Variants in TRRAP observed in about 807,000 individuals in gnomAD.
The protein encoded by TRRAP is transformation/transcription domain-associated protein.
TRRAP carries 41 observed loss-of-function variants against 438.8 expected under a neutral mutation model. The ratio of observed to expected loss-of-function variants is 0.09; its 90% CI spans 0.07 to 0.12. The LOEUF (loss-of-function observed/expected upper bound fraction) is 0.12. TRRAP is among the 10% of genes least tolerant of loss of function. The pLI, the probability that TRRAP is intolerant of heterozygous loss-of-function variation, is 1.00. For synonymous variants in TRRAP, 1,994 were observed against 1,962.9 expected (o/e 1.02, Z -0.42); for missense variants, 3,122 against 5,055.1 (o/e 0.62, Z 11.60).
chr7:98,915,977 T>C (rs1789501809), intron 19 of TRRAP, 89 bp downstream of exon 19: 1 of 1,525,722 alleles, frequency 6.6e-7, no homozygotes, highest in Non-Finnish European at 8.9e-7. Flanking sequence ...TCATCCTCTG[T>C]AACTGGTGAG....
chr7:98,892,504 G>T lies in TRRAP; in HGVS notation c.342G>T (p.Leu114Phe). 1.2e-6 allele frequency: 2 copies of T among 1,611,760 alleles called. No individual in the cohort carries two copies. Among genetic ancestry groups the T allele is most frequent in the Non-Finnish European group, 1.7e-6 (2 of 1,179,566 alleles). ...TTCGTCCTCACACAAAAAATGTTTT[G>T]TCTGTGATGTTTCGCTTTTTAGAGG... ...EHLRPHTKNV[L>F]SVMFRFLETE... The change falls in exon 5 of 73, where the codon TTG becomes TTT. Residue 114 changes from leucine (L) to phenylalanine (F), a missense_variant. Leu to Phe is a conservative substitution (Grantham distance 22, BLOSUM62 0). Coordinates refer to ENST00000456197, the MANE Select transcript of TRRAP (RefSeq NM_001375524.1).
chr7:98,971,124 T>G (rs1248827549), intron 52 of TRRAP, among the ~76,000 whole-genome samples: 1 of 152,208 alleles, frequency 6.6e-6, no homozygotes, highest in Non-Finnish European at 1.5e-5. Context: ...ATGTGCAGGA[T>G]GTCTACTCAT....
chr7:98,915,083 AAT>A (rs1460882411), intron 18 of TRRAP, among the ~76,000 whole-genome samples: 4 of 152,184 alleles, frequency 2.6e-5, no homozygotes, highest in Non-Finnish European at 2.9e-5. Context: ...TTTATACAAA[AAT>A]ATTTTCCAAT....
chr7:98,960,852 A>G (rs541183876), intron 45 of TRRAP, among the ~76,000 whole-genome samples: 1 of 152,004 alleles, frequency 6.6e-6, no homozygotes, highest in Non-Finnish European at 1.5e-5. Context: ...CCTGGCCTCA[A>G]GTGATCCATC....
intron 14 of TRRAP, among the ~76,000 whole-genome samples, chr7:98,909,521 C>T (rs1796961532): frequency 6.6e-6 from 1 of 152,212 alleles, no homozygotes; most frequent in Non-Finnish European, 1.5e-5. Flanking sequence ...CGCTTGAAAG[C>T]TCTTAGCACA....
Position 98,937,672 on chromosome 7 carries a change from A to T in TRRAP, c.4256A>T (p.Glu1419Val). The change falls in exon 30 of 73, where the codon GAA (glutamate) becomes GTA (valine). Residue 1419 changes from glutamate (E) to valine (V), a missense_variant. Physicochemically the swap from Glu to Val is moderately radical, Grantham distance 121. This residue lies in a region of TRRAP where 108 missense variants were observed against 256.9 expected (regional missense o/e 0.42). Coordinates refer to ENST00000456197, the MANE Select transcript of TRRAP (RefSeq NM_001375524.1). ...MRKFLEGATIEVDQIHTHMRP... is the reference protein window; with the variant it reads ...MRKFLEGATIVVDQIHTHMRP... The stretch of plus-strand genomic sequence containing the variant: ...TAGTTTTTAGAAGGTGCTACCATAG[A>T]AGTCGATCAAATCCACACACATATG... The T allele has an allele frequency of 1.2e-6, 2 of 1,610,384 alleles. No individual in the cohort carries two copies. Among genetic ancestry groups the T allele is most frequent in the Non-Finnish European group, 1.7e-6 (2 of 1,178,922 alleles).
At chr7:98,920,681 GC>G (rs782131928) in intron 20 of TRRAP, among the ~76,000 whole-genome samples, 22 of 152,072 alleles carry the variant, frequency 1.4e-4, no homozygotes, top group Non-Finnish European at 2.8e-4. Flanking sequence ...TTTTTCCTTT[GC>G]CACCCTTTCT....
At chr7:98,886,473 G>T (rs1042659352) in intron 3 of TRRAP, among the ~76,000 whole-genome samples, 6 of 151,932 alleles carry the variant, frequency 3.9e-5, no homozygotes, top group Non-Finnish European at 7.4e-5. Flanking sequence ...TAGAGAGATA[G>T]AGATAGATAT....
chr7:98,976,579 A>T lies in TRRAP; in HGVS notation c.8056A>T (p.Met2686Leu), dbSNP rs1272121270. 1 of 1,614,180 alleles carries T rather than the reference A, an allele frequency of 6.2e-7. No homozygotes were observed. Among genetic ancestry groups the T allele is most frequent in the Admixed American group, 1.7e-5 (1 of 60,020 alleles). The change falls in exon 55 of 73, where the codon ATG (methionine) becomes TTG (leucine). Residue 2686 changes from methionine (M) to leucine (L), a missense_variant. Transcript: ENST00000456197. The surrounding 1 kb of genome is among the most constrained non-coding windows in gnomAD (Gnocchi z 4.6). ...PSALNCFVEAMSQCVPPIPIR... is the reference protein window; with the variant it reads ...PSALNCFVEALSQCVPPIPIR... ...CGCGCTGAACTGCTTTGTGGAAGCC[A>T]TGTCCCAGTGCGTGCCGCCAATCCC... is the stretch of plus-strand genomic sequence containing the variant.
At chr7:98,978,726 T>G (rs112751221) in intron 57 of TRRAP, 43 bp from the exon 58 acceptor site, 1 of 1,613,074 alleles carries the variant, frequency 6.2e-7, no homozygotes. Flanking sequence ...TTCATGAGTG[T>G]GCTGGTGATT....
At chr7:98,937,954 C>A in intron 30 of TRRAP, 134 bp downstream of exon 30, 1 of 1,001,584 alleles carries the variant, frequency 1.0e-6, no homozygotes, top group East Asian at 3.2e-5. Context: ...GTGGGTGGAT[C>A]GCTTGCAGTT....
chr7:98,967,132 A>G lies in TRRAP; in HGVS notation c.7268A>G (p.Gln2423Arg), dbSNP rs1161101514. ...CCGGAAGACCTTGAATTAAATGCCC[A>G]GTTTTTAGATCTTGTTAACTATGTC... ...RFPEDLELNA[Q>R]FLDLVNYVYR... The change falls in exon 50 of 73, where the codon CAG (glutamine) becomes CGG (arginine). Residue 2423 changes from glutamine to arginine, a missense_variant. By Grantham distance (43) the Gln-to-Arg change is conservative (BLOSUM62 1). Around this residue, in one of 24 missense-constraint regions of TRRAP, gnomAD observed 992 missense variants for 1,281.2 expected, o/e 0.77. Coordinates refer to ENST00000456197, the MANE Select transcript of TRRAP (RefSeq NM_001375524.1). 6.2e-7 allele frequency: 1 copy of G among 1,614,058 alleles called. No individual in the cohort carries two copies. The highest frequency in any genetic ancestry group is 1.3e-5 in the African/African-American group (1 of 75,044).
rs1554419798 is a variant in TRRAP, at chr7:98,956,390, G to A, written c.6097-9G>A. On this transcript the variant is annotated splice_polypyrimidine_tract_variant and intron_variant, in intron 42 of 72. Coordinates refer to ENST00000456197, the MANE Select transcript of TRRAP (RefSeq NM_001375524.1). This position sits in a 1 kb window ranked among gnomAD's most constrained non-coding sequence, Gnocchi z 4.5. Reference sequence around the variant, plus strand: ...AGTCAGTAAAACCAAGCGCCTGTGTGTTTTTAAGCCGGATTCAGATATGGA... The same window carrying A: ...AGTCAGTAAAACCAAGCGCCTGTGTATTTTTAAGCCGGATTCAGATATGGA... The A allele has an allele frequency of 2.5e-6, 4 of 1,613,806 alleles. No homozygotes were observed. In the South Asian group the frequency reaches 3.3e-5, roughly 13 times the overall value.
intron 70 of TRRAP, among the ~76,000 whole-genome samples, chr7:99,009,341 G>T (rs1794331774): frequency 6.6e-6 from 1 of 152,148 alleles, no homozygotes; most frequent in Non-Finnish European, 1.5e-5. Context: ...GTCACCCAGG[G>T]ACTTGTTCCA....
chr7:98,909,018 A>AT, intron 14 of TRRAP, 56 bp downstream of exon 14: 6 of 1,419,858 alleles, frequency 4.2e-6, no homozygotes, highest in Admixed American at 2.5e-5. Flanking sequence ...TTTGTGGCTA[A>AT]ATTTTTTTTT....
At chr7:98,918,334 A>G (rs546139146) in intron 20 of TRRAP, among the ~76,000 whole-genome samples, 1 of 150,318 alleles carries the variant, frequency 6.7e-6, no homozygotes, top group African/African-American at 2.5e-5. Flanking sequence ...GGGTTCAAGC[A>G]ATTCTTCTGT....
intron 3 of TRRAP, among the ~76,000 whole-genome samples, chr7:98,888,548 A>G (rs1404702080): frequency 6.6e-6 from 1 of 152,224 alleles, no homozygotes; most frequent in African/African-American, 2.4e-5. Flanking sequence ...AAAAAAACTT[A>G]AAAGTTGAAC....
In TRRAP at chr7:98,915,731, G is replaced by A. The variant is rs1554409486; in HGVS notation, c.2208G>A (p.Leu736=). 6.2e-7 allele frequency: 1 copy of A among 1,613,674 alleles called. No homozygotes were observed. Among genetic ancestry groups the A allele is most frequent in the African/African-American group, 1.3e-5 (1 of 74,910 alleles). Residue 736 remains leucine (L), a synonymous_variant, in exon 19 of 73, where the codon TTG becomes TTA. Coordinates refer to ENST00000456197, the MANE Select transcript of TRRAP (RefSeq NM_001375524.1). ...AENEQMLKPH[L]HKIVNSSMEL... Reference sequence around the variant, plus strand: ...TCTTCTCCACCCCGCAGCCTCACTTGCACAAGATTGTGAACAGCTCTATGG... The same window carrying A: ...TCTTCTCCACCCCGCAGCCTCACTTACACAAGATTGTGAACAGCTCTATGG...
intron 17 of TRRAP, among the ~76,000 whole-genome samples, chr7:98,911,753 G>A (rs1214723413): frequency 4.7e-5 from 7 of 148,216 alleles, no homozygotes; most frequent in African/African-American, 1.8e-4. Context: ...GTGACAGAGC[G>A]AGACCCCCAT....
Sources: allele counts gnomAD v4.1 joint callset (sites outside exome capture counted in the v4.1 genomes callset), GRCh38; gene constraint gnomAD v4.1.1; regional missense constraint gnomAD v4.1.1; non-coding constraint Gnocchi (gnomAD v3.1); transcripts MANE v1.5; gene names NCBI Gene and HGNC (gene_info 2026-07-23, HGNC 2026-07-21).